MOB3B: variants seen among roughly 807,000 people sequenced by gnomAD.
The protein encoded by MOB3B is MOB kinase activator 3B.
In MOB3B, 7 loss-of-function variants were observed where a neutral mutation model predicts 18.7. That is an observed-to-expected ratio of 0.37 (90% CI 0.21 to 0.70). The LOEUF is 0.70. Among genes scored for constraint, MOB3B ranks in the 30% least tolerant of loss-of-function variants. The probability of loss-of-function intolerance (pLI) is 0.52; values close to 1 mark genes in which losing one functional copy is unlikely to be tolerated. For missense variants in MOB3B, 253 were observed against 281.3 expected, an observed-to-expected ratio of 0.90 and a Z score of 0.72; for synonymous variants, 111 against 99.9, an observed-to-expected ratio of 1.11 and a Z score of -0.66.
rs80227012 is a variant in MOB3B, at chr9:27,513,883, A to G, written c.-199+15672T>C. On this transcript the variant is annotated intron_variant, in intron 1 of 3. Transcript: ENST00000262244. ...CTTGGAGATGAAAGGATGGATAAAC[A>G]GATGGATGGATGGATGGATGGATGG... Among the ~76,000 whole-genome samples the G allele has an allele frequency of 1.9e-3, 154 of 83,108 alleles. 1 individual carries two copies. Among genetic ancestry groups the G allele is most frequent in the Non-Finnish European group, 3.2e-3 (111 of 34,514 alleles). The allele number at this position is 83,108 out of a possible 152,430, so 54.5% of individuals were successfully genotyped here. A position where few individuals can be genotyped will look rare whatever the true frequency, so the allele number is the denominator to read the frequency against.
intron 1 of MOB3B, among the ~76,000 whole-genome samples, chr9:27,481,624 T>C (rs369727591): frequency 0.012 from 1,803 of 151,118 alleles, 39 homozygotes; most frequent in African/African-American, 0.041. Context: ...CTCCCAGGTT[T>C]ATGCCACTCT....
chr9:27,388,219 G>A (rs536338970), intron 2 of MOB3B, among the ~76,000 whole-genome samples: 2 of 152,290 alleles, frequency 1.3e-5, no homozygotes, highest in East Asian at 3.9e-4. Flanking sequence ...GTACCCAAGA[G>A]CTAATCTAGT....
At chr9:27,365,146 T>A (rs892115702) in intron 2 of MOB3B, among the ~76,000 whole-genome samples, 4 of 98,730 alleles carry the variant, frequency 4.1e-5, no homozygotes, top group Non-Finnish European at 8.3e-5. Context: ...ATCCATCATC[T>A]CCTGTTTGGG....
intron 3 of MOB3B, among the ~76,000 whole-genome samples, chr9:27,352,551 A>G (rs1441138886): frequency 1.3e-5 from 2 of 152,136 alleles, no homozygotes; most frequent in Non-Finnish European, 2.9e-5. Context: ...ATGATGTGGG[A>G]GGATGAGGAG....
chr9:27,358,206 G>A (rs1821222715), intron 3 of MOB3B, among the ~76,000 whole-genome samples: 1 of 152,190 alleles, frequency 6.6e-6, no homozygotes, highest in Admixed American at 6.5e-5. Context: ...TGCTCTGTCA[G>A]TTATATTTAG....
chr9:27,470,386 A>G (rs1819453103), intron 1 of MOB3B, among the ~76,000 whole-genome samples: 1 of 152,112 alleles, frequency 6.6e-6, no homozygotes, highest in Non-Finnish European at 1.5e-5. Context: ...GTTTCGCTTG[A>G]TCAATCGGAC....
intron 2 of MOB3B, among the ~76,000 whole-genome samples, chr9:27,371,919 A>G (rs1005759930): frequency 1.1e-4 from 16 of 152,202 alleles, no homozygotes; most frequent in African/African-American, 3.6e-4. Context: ...CGTTTTATTT[A>G]TTAACATTAT....
chr9:27,380,755 G>T (rs1355919991), intron 2 of MOB3B, among the ~76,000 whole-genome samples: 1 of 139,490 alleles, frequency 7.2e-6, no homozygotes, highest in Non-Finnish European at 1.5e-5. Flanking sequence ...AGCTATTTCA[G>T]GATCCATCCC....
At chr9:27,483,076 A>T (rs1387808094) in intron 1 of MOB3B, among the ~76,000 whole-genome samples, 3 of 151,366 alleles carry the variant, frequency 2.0e-5, no homozygotes, top group Non-Finnish European at 4.4e-5. Flanking sequence ...CAAAGAGATA[A>T]ACATGACAAT....
intron 3 of MOB3B, among the ~76,000 whole-genome samples, chr9:27,342,829 C>T (rs1820969690): frequency 6.6e-6 from 1 of 151,536 alleles, no homozygotes; most frequent in South Asian, 2.1e-4. Flanking sequence ...CCTCCACCTC[C>T]CAGCCGCCTG....
intron 1 of MOB3B, among the ~76,000 whole-genome samples, chr9:27,463,803 A>G (rs1023927150): frequency 2.6e-5 from 4 of 151,812 alleles, no homozygotes; most frequent in Non-Finnish European, 5.9e-5. Flanking sequence ...TCTACAAAAA[A>G]TACAAAAATT....
intron 3 of MOB3B, among the ~76,000 whole-genome samples, chr9:27,331,292 C>T (rs1820786353): frequency 6.6e-6 from 1 of 152,224 alleles, no homozygotes; most frequent in Non-Finnish European, 1.5e-5. Flanking sequence ...CTACCACATC[C>T]TGCGCCTGCC....
At position 27,357,148 on chromosome 9, in the gene MOB3B, G is replaced by GTGT. The variant is rs1554645173; in HGVS notation, c.621+1885_621+1886insACA. On this transcript the variant is annotated intron_variant, in intron 3 of 3. Coordinates refer to ENST00000262244, the MANE Select transcript of MOB3B (RefSeq NM_024761.5). ...TATATATATATATATATATATATGT[G>GTGT]TTTTTTTTTTTGCCATATATTCTCA... Among the ~76,000 whole-genome samples the GTGT allele has an allele frequency of 4.1e-3, 284 of 69,208 alleles. 17 individuals carry two copies. The highest frequency in any genetic ancestry group is 5.1e-3 in the Non-Finnish European group (174 of 34,330). 45.4% of individuals were successfully genotyped at this position (69,208 alleles called of 152,430 possible). A position where few individuals can be genotyped will look rare whatever the true frequency, so the allele number is the denominator to read the frequency against.
intron 2 of MOB3B, among the ~76,000 whole-genome samples, chr9:27,383,033 G>C (rs189721721): frequency 5.9e-5 from 9 of 152,272 alleles, no homozygotes; most frequent in Admixed American, 5.2e-4. Context: ...AAAAGAATGT[G>C]GGGGGAGAAG....
chr9:27,444,696 T>C (rs1182563684), intron 2 of MOB3B, among the ~76,000 whole-genome samples: 1 of 152,214 alleles, frequency 6.6e-6, no homozygotes, highest in Non-Finnish European at 1.5e-5. Flanking sequence ...GTCTGGATTC[T>C]AAACCTGGAT....
intron 2 of MOB3B, among the ~76,000 whole-genome samples, chr9:27,411,009 G>A (rs1014338631): frequency 6.6e-6 from 1 of 152,192 alleles, no homozygotes; most frequent in Non-Finnish European, 1.5e-5. Context: ...TGATGAATGC[G>A]AATATGGAAG....
rs537000306 is a variant in MOB3B, at chr9:27,342,288, A to T, written c.622-11672T>A. ...CCTTTCCAAAACTGACCTGGCAATA[A>T]ATAGTCCAATATTTATTTAATCTAT... On this transcript the variant is annotated intron_variant, in intron 3 of 3. Transcript: ENST00000262244. Among the ~76,000 whole-genome samples the T allele has an allele frequency of 3.9e-5, 6 of 152,312 alleles. No homozygotes were observed. The South Asian group carries it at 1.2e-3, about 32-fold the overall frequency.
At chr9:27,388,645 A>G (rs544281505) in intron 2 of MOB3B, among the ~76,000 whole-genome samples, 3 of 152,048 alleles carry the variant, frequency 2.0e-5, no homozygotes, top group African/African-American at 7.2e-5. Context: ...CCAAAGTCCA[A>G]TGTATCATTC....
At chr9:27,346,820 C>T (rs1006013022) in intron 3 of MOB3B, among the ~76,000 whole-genome samples, 1 of 152,054 alleles carries the variant, frequency 6.6e-6, no homozygotes, top group African/African-American at 2.4e-5. Flanking sequence ...CATGGTGAAA[C>T]CCTGTCTCTA....
Sources: gnomAD v4.1 joint callset for allele counts (sites outside exome capture counted in the v4.1 genomes callset) on GRCh38, gnomAD v4.1.1 for gene constraint, MANE v1.5 for transcripts, NCBI Gene and HGNC (gene_info 2026-07-23, HGNC 2026-07-21) for gene names.